The following AFF3 variants were observed in gnomAD, a reference collection of about 807,000 sequenced individuals.
AFF3 encodes the protein AF4/FMR2 family member 3.
A neutral mutation model predicts 129.7 loss-of-function variants in AFF3; 32 were observed. The observed-to-expected ratio is 0.25, with a 90% CI of 0.19 to 0.33. The LOEUF is 0.33. Among genes scored for constraint, AFF3 ranks in the 10% least tolerant of loss-of-function variants. AFF3 has a pLI of 1.00. For missense variants in AFF3, 1,373 were observed against 1,592.0 expected, an observed-to-expected ratio of 0.86 and a Z score of 2.34; for synonymous variants, 644 against 635.4, an observed-to-expected ratio of 1.01 and a Z score of -0.20.
intron 8 of AFF3, among the ~76,000 whole-genome samples, chr2:99,780,463 C>G (rs1293219708): frequency 6.6e-6 from 1 of 152,152 alleles, no homozygotes; most frequent in Non-Finnish European, 1.5e-5. Flanking sequence ...CAATCACTTC[C>G]CTTTTCCAGA....
chr2:99,831,963 C>T (rs1688543498), intron 8 of AFF3, among the ~76,000 whole-genome samples: 1 of 152,244 alleles, frequency 6.6e-6, no homozygotes, highest in South Asian at 2.1e-4. Flanking sequence ...ACTAATCCCA[C>T]CCGCTCAGTG....
At chr2:100,108,251 A>G (rs957902852) in intron 2 of AFF3, among the ~76,000 whole-genome samples, 1 of 152,196 alleles carries the variant, frequency 6.6e-6, no homozygotes, top group African/African-American at 2.4e-5. Flanking sequence ...ACCCCAGGAC[A>G]GCGTAGATTT....
At chr2:99,852,197 A>G (rs972468535) in intron 7 of AFF3, among the ~76,000 whole-genome samples, 1 of 152,220 alleles carries the variant, frequency 6.6e-6, no homozygotes, top group African/African-American at 2.4e-5. Flanking sequence ...TCCTAGAGTC[A>G]GCCCTGATCA....
intron 8 of AFF3, among the ~76,000 whole-genome samples, chr2:99,787,737 A>G (rs562547168): frequency 9.9e-5 from 15 of 152,248 alleles, no homozygotes; most frequent in Admixed American, 7.2e-4. Context: ...AAACAAACAA[A>G]CGAACAAACA....
At chr2:100,065,924 T>G (rs563591381) in intron 4 of AFF3, among the ~76,000 whole-genome samples, 1 of 152,300 alleles carries the variant, frequency 6.6e-6, no homozygotes, top group East Asian at 1.9e-4. Context: ...CATAATAAGT[T>G]CTCCAATCAT....
intron 7 of AFF3, among the ~76,000 whole-genome samples, chr2:99,976,454 T>C (rs1678899580): frequency 6.6e-6 from 1 of 152,212 alleles, no homozygotes; most frequent in Admixed American, 6.5e-5. Flanking sequence ...TCGTAGCATT[T>C]ATCAGATTTT....
chr2:99,846,455 A>G (rs116699627), intron 7 of AFF3, among the ~76,000 whole-genome samples: 2,245 of 152,344 alleles, frequency 0.015, 28 homozygotes, highest in Middle Eastern at 0.031. Flanking sequence ...TCTTTATACA[A>G]TTCCATTTAT....
intron 2 of AFF3, among the ~76,000 whole-genome samples, chr2:100,127,881 C>T (rs926845745): frequency 3.3e-5 from 5 of 152,294 alleles, no homozygotes; most frequent in Admixed American, 2.6e-4. Flanking sequence ...CATTCCCAGA[C>T]ATTTAAGGCA....
chr2:99,689,111 C>T (rs555057228), intron 11 of AFF3, among the ~76,000 whole-genome samples: 1 of 152,302 alleles, frequency 6.6e-6, no homozygotes, highest in East Asian at 1.9e-4. Context: ...CTTTCTCCAT[C>T]CCTTGTGACG....
At chr2:99,713,399 G>A (rs1015916317) in intron 11 of AFF3, among the ~76,000 whole-genome samples, 1 of 151,538 alleles carries the variant, frequency 6.6e-6, no homozygotes, top group Non-Finnish European at 1.5e-5. Flanking sequence ...CTCCCGAGTA[G>A]CTGGGATTAC....
At chr2:100,048,865 T>C (rs1686052026) in intron 4 of AFF3, among the ~76,000 whole-genome samples, 1 of 152,232 alleles carries the variant, frequency 6.6e-6, no homozygotes, top group African/African-American at 2.4e-5. Flanking sequence ...AATCCTATTT[T>C]ATCAAATCCT....
chr2:99,608,279 G>A (rs77010474), intron 13 of AFF3, among the ~76,000 whole-genome samples: 2,684 of 152,248 alleles, frequency 0.018, 45 homozygotes, highest in South Asian at 0.03. Context: ...CTGCAGGACT[G>A]AGTGGCTATG....
intron 18 of AFF3, among the ~76,000 whole-genome samples, chr2:99,574,430 A>T (rs1401837714): frequency 2.0e-5 from 3 of 152,216 alleles, no homozygotes; most frequent in Non-Finnish European, 4.4e-5. Flanking sequence ...TAGGGATTAC[A>T]GGCACATGCT....
intron 11 of AFF3, among the ~76,000 whole-genome samples, chr2:99,710,621 C>T (rs1258698297): frequency 9.2e-5 from 14 of 152,128 alleles, no homozygotes; most frequent in Admixed American, 8.5e-4. Flanking sequence ...CTTGAAATCC[C>T]ATGGAATCCT....
chr2:99,890,426 A>C (rs1301401426), intron 7 of AFF3, among the ~76,000 whole-genome samples: 1 of 152,224 alleles, frequency 6.6e-6, no homozygotes, highest in Non-Finnish European at 1.5e-5. Flanking sequence ...AATGCAATTA[A>C]AAATACTTTT....
intron 22 of AFF3, among the ~76,000 whole-genome samples, chr2:99,558,051 A>C (rs893418878): frequency 8.5e-5 from 13 of 152,240 alleles, no homozygotes; most frequent in African/African-American, 2.9e-4. Flanking sequence ...CCCTGAGATA[A>C]GTAAAAGGTG....
intron 7 of AFF3, among the ~76,000 whole-genome samples, chr2:99,912,776 T>C (rs1022933156): frequency 1.8e-4 from 27 of 152,206 alleles, no homozygotes; most frequent in African/African-American, 5.8e-4. Flanking sequence ...CCTGCCAAAA[T>C]TGCATATCCA....
chr2:99,607,108 A>G (rs1680439139), intron 13 of AFF3, among the ~76,000 whole-genome samples: 1 of 152,110 alleles, frequency 6.6e-6, no homozygotes, highest in South Asian at 2.1e-4. Context: ...GAGTGGTCAG[A>G]GCCAAATACA....
At chr2:99,996,660 G>T (rs926854111) in intron 7 of AFF3, among the ~76,000 whole-genome samples, 1 of 151,712 alleles carries the variant, frequency 6.6e-6, no homozygotes, top group African/African-American at 2.4e-5. Context: ...GATTACGGGC[G>T]TGAGCCACCG....
Sources: allele counts gnomAD v4.1 joint callset (sites outside exome capture counted in the v4.1 genomes callset), GRCh38; gene constraint gnomAD v4.1.1; transcripts MANE v1.5; gene names NCBI Gene and HGNC (gene_info 2026-07-23, HGNC 2026-07-21).